Variants in AFG2A observed in about 807,000 individuals in gnomAD.
The protein encoded by AFG2A is AAA ATPase AFG2A, also known as ATPase family gene 2 protein homolog A.
At chr4:123,108,456 A>G in the AFG2A span, among the ~76,000 whole-genome samples, 1 of 152,088 alleles carries the variant, frequency 6.6e-6, no homozygotes, top group Non-Finnish European at 1.5e-5. Flanking sequence ...AGTGCCTTGT[A>G]TCAATAATTA....
chr4:123,027,462 G>A, the AFG2A span, among the ~76,000 whole-genome samples: 30 of 151,918 alleles, frequency 2.0e-4, no homozygotes, highest in East Asian at 1.9e-4. Flanking sequence ...TGGCTTTTAC[G>A]TTTGTCTTCC....
the AFG2A span, among the ~76,000 whole-genome samples, chr4:123,094,896 A>G: frequency 6.6e-6 from 1 of 151,340 alleles, no homozygotes; most frequent in Non-Finnish European, 1.5e-5. Flanking sequence ...CACACAGACC[A>G]TCCATGACAT....
the AFG2A span, among the ~76,000 whole-genome samples, chr4:122,999,348 A>T: frequency 1.3e-5 from 2 of 152,042 alleles, no homozygotes; most frequent in South Asian, 2.1e-4. Context: ...TTTTGTTGCC[A>T]TTGCTTTTGG....
chr4:123,026,774 A>C, the AFG2A span, among the ~76,000 whole-genome samples: 5 of 152,324 alleles, frequency 3.3e-5, no homozygotes, highest in South Asian at 4.1e-4. Context: ...AGGATAGAGA[A>C]TGCATCACTC....
the AFG2A span, among the ~76,000 whole-genome samples, chr4:123,228,715 A>G: frequency 1.3e-5 from 2 of 152,062 alleles, no homozygotes; most frequent in South Asian, 2.1e-4. Flanking sequence ...AGAGAAGCCA[A>G]GGGACTTGGC....
chr4:123,090,013 C>T, the AFG2A span, among the ~76,000 whole-genome samples: 2 of 152,316 alleles, frequency 1.3e-5, no homozygotes, highest in East Asian at 3.9e-4. Flanking sequence ...AAAAACTAGC[C>T]TGCTTTCTTT....
At chr4:123,075,151 G>A in the AFG2A span, among the ~76,000 whole-genome samples, 6 of 151,918 alleles carry the variant, frequency 3.9e-5, no homozygotes, top group East Asian at 5.8e-4. Flanking sequence ...TCACCATGTT[G>A]GCCAGGCTGG....
At chr4:123,162,848 A>G in the AFG2A span, among the ~76,000 whole-genome samples, 3 of 152,224 alleles carry the variant, frequency 2.0e-5, no homozygotes, top group Admixed American at 2.0e-4. Context: ...TTAATCATCT[A>G]TAAAACAAGG....
chr4:123,155,374 A>G, the AFG2A span, among the ~76,000 whole-genome samples: 1 of 152,064 alleles, frequency 6.6e-6, no homozygotes, highest in Non-Finnish European at 1.5e-5. Context: ...CACTGCACCC[A>G]GTCTTATCCC....
the AFG2A span, among the ~76,000 whole-genome samples, chr4:123,308,321 T>G: frequency 6.6e-6 from 1 of 152,288 alleles, no homozygotes; most frequent in East Asian, 1.9e-4. Flanking sequence ...CTCTTCATTC[T>G]AAGAACTTAA....
the AFG2A span, among the ~76,000 whole-genome samples, chr4:123,136,663 A>T: frequency 6.6e-6 from 1 of 151,470 alleles, no homozygotes; most frequent in Non-Finnish European, 1.5e-5. Flanking sequence ...AACAAAAGCA[A>T]AATTCCGTCT....
the AFG2A span, among the ~76,000 whole-genome samples, chr4:123,004,952 T>G: frequency 6.6e-5 from 10 of 152,320 alleles, no homozygotes; most frequent in South Asian, 1.9e-3. Context: ...TAGTTTATAT[T>G]TTTTCAAGAA....
chr4:123,140,976 C>T, the AFG2A span, among the ~76,000 whole-genome samples: 1 of 152,106 alleles, frequency 6.6e-6, no homozygotes, highest in Non-Finnish European at 1.5e-5. Context: ...TCATAGTATT[C>T]TGTCCTGGTG....
chr4:123,313,130 G>A, the AFG2A span, among the ~76,000 whole-genome samples: 1 of 152,296 alleles, frequency 6.6e-6, no homozygotes, highest in African/African-American at 2.4e-5. Context: ...GAAGTCCAGA[G>A]AGCTTAAAAA....
chr4:122,958,609 C>A, the AFG2A span, among the ~76,000 whole-genome samples: 67,180 of 152,076 alleles, frequency 0.44, 16,325 homozygotes, highest in African/African-American at 0.65. Flanking sequence ...TTACTAAACT[C>A]GGTTACTGAA....
chr4:123,118,768 A>G, the AFG2A span, among the ~76,000 whole-genome samples: 7 of 151,998 alleles, frequency 4.6e-5, no homozygotes, highest in Non-Finnish European at 8.8e-5. Flanking sequence ...GTAATTTTGA[A>G]TGTGTCGGGG....
chr4:123,095,286 A>T, the AFG2A span, among the ~76,000 whole-genome samples: 1 of 151,914 alleles, frequency 6.6e-6, no homozygotes, highest in Non-Finnish European at 1.5e-5. Context: ...CTCCCTGTGG[A>T]ACATGAATTT....
At chr4:123,120,393 C>T in the AFG2A span, among the ~76,000 whole-genome samples, 14 of 152,090 alleles carry the variant, frequency 9.2e-5, no homozygotes, top group African/African-American at 3.1e-4. Context: ...CTTCAGTGCA[C>T]TTGTGACATC....
chr4:123,028,125 T>C, the AFG2A span: 1 of 1,386,850 alleles, frequency 7.2e-7, no homozygotes, highest in Non-Finnish European at 1.0e-6. Context: ...GTTTTTTATT[T>C]TTTTTTAGTT....
Sources: gnomAD v4.1 joint callset for allele counts (sites outside exome capture counted in the v4.1 genomes callset) on GRCh38, gnomAD v4.1.1 for gene constraint, MANE v1.5 for transcripts, NCBI Gene and HGNC (gene_info 2026-07-23, HGNC 2026-07-21) for gene names.